CFAP97D2: variants seen among roughly 807,000 people sequenced by gnomAD.
CFAP97D2 encodes the protein CFAP97 domain containing 2.
chr13:114,191,029 A>G (rs991250686), intron 1 of CFAP97D2, among the ~76,000 whole-genome samples: 2 of 152,226 alleles, frequency 1.3e-5, no homozygotes, highest in African/African-American at 2.4e-5. Context: ...TCCACATGGA[A>G]GAAGAGGAAT....
intron 1 of CFAP97D2, among the ~76,000 whole-genome samples, chr13:114,191,998 T>C (rs1451668246): frequency 7.7e-6 from 1 of 129,290 alleles, no homozygotes; most frequent in Non-Finnish European, 1.5e-5. Flanking sequence ...TACTATATTA[T>C]TCTAACACTA....
At chr13:114,190,181 C>T (rs184919271) in intron 1 of CFAP97D2, among the ~76,000 whole-genome samples, 1 of 152,246 alleles carries the variant, frequency 6.6e-6, no homozygotes, top group African/African-American at 2.4e-5. Flanking sequence ...CTCTACCTAA[C>T]ATCATACTTA....
Position 114,186,531 on chromosome 13 carries a change from T to C in CFAP97D2, c.90+7111T>C, listed in dbSNP as rs1391014079. 6.6e-6 allele frequency among the ~76,000 whole-genome samples: 1 copy of C among 152,104 alleles called. No individual in the cohort carries two copies. Among genetic ancestry groups the C allele is most frequent in the South Asian group, 2.1e-4 (1 of 4,828 alleles). ...AACATGCCCCTTGTTCACCATGCTG[T>C]GGGTGAAGAGGAGAAAAGAGAGAAG... On this transcript the variant is annotated intron_variant, in intron 1 of 4. Coordinates refer to ENST00000646158, the Ensembl canonical transcript of CFAP97D2. The surrounding 1 kb of genome is among the most constrained non-coding windows in gnomAD (Gnocchi z 4.3).
chr13:114,206,531 A>G lies in CFAP97D2; in HGVS notation c.291-5381A>G, dbSNP rs558507636. Among the ~76,000 whole-genome samples, 30 of 152,320 alleles carry G rather than the reference A, an allele frequency of 2.0e-4. 1 individual carries two copies. In the South Asian group the frequency reaches 3.1e-3, roughly 16 times the overall value. ...ATAAAGTATTGACACGGGCTACAAC[A>G]TGGATGAACTTTGAAAACATGCTAA... On this transcript the variant is annotated intron_variant, in intron 3 of 4. Coordinates refer to ENST00000646158, the Ensembl canonical transcript of CFAP97D2.
In CFAP97D2 at chr13:114,182,294, G is replaced by A. The variant is rs910786044; in HGVS notation, c.90+2874G>A. Reference sequence around the variant, plus strand: ...TCTCAGTGGAGTAAAGAATAACAAGGCAGCATTACTGCAAACATGTCTCGC... The same window carrying A: ...TCTCAGTGGAGTAAAGAATAACAAGACAGCATTACTGCAAACATGTCTCGC... On this transcript the variant is annotated intron_variant, in intron 1 of 4. Coordinates refer to ENST00000646158, the Ensembl canonical transcript of CFAP97D2. Among the ~76,000 whole-genome samples the A allele has an allele frequency of 3.2e-4, 49 of 152,178 alleles. 2 individuals are homozygous for A. Among genetic ancestry groups the A allele is most frequent in the Non-Finnish European group, 5.7e-4 (39 of 68,006 alleles).
chr13:114,198,767 C>T (rs1199793232), intron 2 of CFAP97D2, among the ~76,000 whole-genome samples: 3 of 73,316 alleles, frequency 4.1e-5, no homozygotes, highest in Non-Finnish European at 6.9e-5. Flanking sequence ...GGCGCGTCCC[C>T]GTGCTTACGG....
At chr13:114,180,555 C>T (rs1381842153) in intron 1 of CFAP97D2, among the ~76,000 whole-genome samples, 3 of 152,204 alleles carry the variant, frequency 2.0e-5, no homozygotes, top group Non-Finnish European at 4.4e-5. Flanking sequence ...CCTGCTACCT[C>T]CTGTTGCCAC....
intron 3 of CFAP97D2, among the ~76,000 whole-genome samples, chr13:114,202,465 A>G (rs1443758194): frequency 1.3e-5 from 2 of 152,158 alleles, no homozygotes; most frequent in Non-Finnish European, 2.9e-5. Flanking sequence ...GAAGAAACAT[A>G]TATTCAAGAA....
intron 3 of CFAP97D2, among the ~76,000 whole-genome samples, chr13:114,204,628 T>C (rs2080931632): frequency 6.6e-6 from 1 of 152,094 alleles, no homozygotes; most frequent in Non-Finnish European, 1.5e-5. Flanking sequence ...TATCGCCACA[T>C]GCAAAAGAAT....
rs2080928939 is a variant in CFAP97D2, at chr13:114,203,913, C to A, written c.290+3470C>A. 6.6e-6 allele frequency among the ~76,000 whole-genome samples: 1 copy of A among 152,178 alleles called. No homozygotes were observed. The highest frequency in any genetic ancestry group is 6.5e-5 in the Admixed American group (1 of 15,280). On this transcript the variant is annotated intron_variant, in intron 3 of 4. Coordinates refer to ENST00000646158, the Ensembl canonical transcript of CFAP97D2. This position sits in a 1 kb window ranked among gnomAD's most constrained non-coding sequence, Gnocchi z 4.3. ...AATACAATCCCAATTAGAACTCCAG[C>A]CAACTTCTCTGTAGAAATTGACCCA...
intron 2 of CFAP97D2, among the ~76,000 whole-genome samples, 195 bp downstream of exon 2, chr13:114,196,671 CGTT>C (rs1429852034): frequency 6.6e-6 from 1 of 152,126 alleles, no homozygotes; most frequent in Non-Finnish European, 1.5e-5. Flanking sequence ...TTTCCCCAGT[CGTT>C]GTGCTGACTA....
rs1288982390 is a variant in CFAP97D2 at position 114,203,006 on chromosome 13, C to T, written c.290+2563C>T. Among the ~76,000 whole-genome samples, 1 of 152,110 alleles carries T rather than the reference C, an allele frequency of 6.6e-6. No individual in the cohort carries two copies. Among genetic ancestry groups the T allele is most frequent in the Non-Finnish European group, 1.5e-5 (1 of 68,022 alleles). ...ATTTTGCCCAGAGGAAGAAGCAGAC[C>T]CTCGTAACAGCTCCCATTCTCTTCC... On this transcript the variant is annotated intron_variant, in intron 3 of 4. Transcript: ENST00000646158. The surrounding 1 kb of genome is among the most constrained non-coding windows in gnomAD (Gnocchi z 4.3).
Position 114,222,422 on chromosome 13 carries a change from C to T in CFAP97D2, c.481-76C>T, listed in dbSNP as rs1014448018. 3.3e-5 allele frequency: 13 copies of T among 398,122 alleles called. No homozygotes were observed. Among genetic ancestry groups the T allele is most frequent in the Non-Finnish European group, 5.3e-5 (12 of 226,002 alleles). 24.7% of individuals were successfully genotyped at this position (398,122 alleles called of 1,614,324 possible). A position where few individuals can be genotyped will look rare whatever the true frequency, so the allele number is the denominator to read the frequency against. ...GACTTGTCAATGAGTTGAAATATTC[C>T]ATTTCCCAAGTAAGTTGATAGTTTC... On this transcript the variant is annotated intron_variant, in intron 4 of 4. Coordinates refer to ENST00000646158, the Ensembl canonical transcript of CFAP97D2. The surrounding 1 kb of genome is among the most constrained non-coding windows in gnomAD (Gnocchi z 4.4).
At chr13:114,200,797 G>A (rs2080914343) in intron 3 of CFAP97D2, among the ~76,000 whole-genome samples, 1 of 152,238 alleles carries the variant, frequency 6.6e-6, no homozygotes, top group Non-Finnish European at 1.5e-5. Flanking sequence ...AGGAAACGGA[G>A]GCACTGGGAG....
rs745835196 is a variant in CFAP97D2 at position 114,207,764 on chromosome 13, C to G, written c.291-4148C>G. Among the ~76,000 whole-genome samples the G allele has an allele frequency of 1.3e-5, 2 of 152,184 alleles. No individual in the cohort carries two copies. Among genetic ancestry groups the G allele is most frequent in the African/African-American group, 2.4e-5 (1 of 41,438 alleles). On this transcript the variant is annotated intron_variant, in intron 3 of 4. Coordinates refer to ENST00000646158, the Ensembl canonical transcript of CFAP97D2. This position sits in a 1 kb window ranked among gnomAD's most constrained non-coding sequence, Gnocchi z 4.9. ...AGGGAAAACTGATTAGATCATTGTTCTTTGCTTGTAAATGTTCTCATGTAG... is the reference window on the plus strand; with the variant it reads ...AGGGAAAACTGATTAGATCATTGTTGTTTGCTTGTAAATGTTCTCATGTAG...
chr13:114,197,900 G>T (rs2080894770), intron 2 of CFAP97D2, among the ~76,000 whole-genome samples: 1 of 151,886 alleles, frequency 6.6e-6, no homozygotes, highest in Admixed American at 6.5e-5. Flanking sequence ...GGCCAGGCTG[G>T]TCTCAAACTC....
chr13:114,180,446 G>A (rs1029789261), intron 1 of CFAP97D2, among the ~76,000 whole-genome samples: 2 of 151,972 alleles, frequency 1.3e-5, no homozygotes, highest in East Asian at 1.9e-4. Flanking sequence ...AACTCTTCCC[G>A]GCTCCTTCCC....
chr13:114,208,119 A>G (rs2080949635), intron 3 of CFAP97D2, among the ~76,000 whole-genome samples: 1 of 152,170 alleles, frequency 6.6e-6, no homozygotes, highest in African/African-American at 2.4e-5. Context: ...GACCTTGGAC[A>G]AATTGTCAGG....
At chr13:114,183,163 ATTATTTAT>A in intron 1 of CFAP97D2, among the ~76,000 whole-genome samples, 1 of 152,088 alleles carries the variant, frequency 6.6e-6, no homozygotes, top group South Asian at 2.1e-4. Context: ...ACAGATTGTC[ATTATTTAT>A]TTATTTATTT....
Sources: gnomAD v4.1 joint callset for allele counts (sites outside exome capture counted in the v4.1 genomes callset) on GRCh38, gnomAD v4.1.1 for gene constraint, Gnocchi (gnomAD v3.1) non-coding constraint, MANE v1.5 for transcripts, NCBI Gene and HGNC (gene_info 2026-07-23, HGNC 2026-07-21) for gene names.